The following YPEL2 variants were observed in gnomAD, a reference collection of about 807,000 sequenced individuals.
The protein encoded by YPEL2 is yippee like 2.
Under a neutral mutation model 19.1 loss-of-function variants are expected in YPEL2, and 2 were observed. The observed-to-expected ratio is 0.10, with a 90% CI of 0.04 to 0.33. YPEL2 has a LOEUF of 0.33. Among genes scored for constraint, YPEL2 ranks in the 10% least tolerant of loss-of-function variants. YPEL2 has a pLI of 1.00. For missense variants in YPEL2, 66 were observed against 140.7 expected, an observed-to-expected ratio of 0.47 and a Z score of 2.68; for synonymous variants, 52 against 50.0, an observed-to-expected ratio of 1.04 and a Z score of -0.17.
intron 2 of YPEL2, among the ~76,000 whole-genome samples, chr17:59,383,539 A>T (rs1567756557): frequency 8.5e-6 from 1 of 118,034 alleles, no homozygotes; most frequent in Non-Finnish European, 1.7e-5. Flanking sequence ...TGGAGCTTGC[A>T]CTCCAGCCTG....
chr17:59,369,625 C>T (rs975665941), intron 2 of YPEL2, among the ~76,000 whole-genome samples: 5 of 152,186 alleles, frequency 3.3e-5, no homozygotes, highest in South Asian at 2.1e-4. Flanking sequence ...TGTATTTTAA[C>T]GAGTATCCCT....
At position 59,399,428 on chromosome 17, in the gene YPEL2, A is replaced by C. The variant is rs371909958; in HGVS notation, c.*2238A>C. The C allele has an allele frequency of 6.6e-6, 1 of 152,188 alleles. No individual in the cohort carries two copies. The highest frequency in any genetic ancestry group is 6.6e-5 in the Admixed American group (1 of 15,264). 9.4% of individuals were successfully genotyped at this position (152,188 alleles called of 1,614,324 possible). On this transcript the variant is annotated 3_prime_UTR_variant, in exon 5 of 5. Transcript: ENST00000312655. ...CATAAACTAGACATGGGGTGCCCTC[A>C]AGTTTCCAAGGGGACCAATGTGCCA... is the stretch of plus-strand genomic sequence containing the variant.
chr17:59,346,736 A>G (rs1015908042), intron 1 of YPEL2, among the ~76,000 whole-genome samples: 21 of 152,114 alleles, frequency 1.4e-4, no homozygotes, highest in African/African-American at 1.2e-4. Context: ...GGTAATTTCA[A>G]TTTCAGTAGG....
intron 4 of YPEL2, among the ~76,000 whole-genome samples, chr17:59,396,227 T>C (rs1171160200): frequency 6.6e-6 from 1 of 152,234 alleles, no homozygotes; most frequent in African/African-American, 2.4e-5. Context: ...AATTTATATA[T>C]GTAAATGTAC....
chr17:59,388,424 A>G, intron 3 of YPEL2, 54 bp downstream of exon 3: 2 of 1,551,256 alleles, frequency 1.3e-6, no homozygotes, highest in Non-Finnish European at 1.8e-6. Flanking sequence ...GAGGGATGGG[A>G]AAAAGCAATC....
intron 1 of YPEL2, among the ~76,000 whole-genome samples, chr17:59,345,845 C>T (rs1029703987): frequency 4.6e-5 from 7 of 152,174 alleles, no homozygotes; most frequent in African/African-American, 1.7e-4. Context: ...TGCGTTATCT[C>T]ATTTCATCCT....
At position 59,397,092 on chromosome 17, in the gene YPEL2, A is replaced by G. The variant is rs2048043481; in HGVS notation, c.271-9A>G. ...TTCAGTATCTCTTCTCTGCTTCTGT[A>G]TTTCCTAGGAACATGCTTTTGAAAG... On this transcript the variant is annotated splice_polypyrimidine_tract_variant and intron_variant, in intron 4 of 4. Coordinates refer to ENST00000312655, the MANE Select transcript of YPEL2 (RefSeq NM_001005404.4). 7 of 1,600,360 alleles carry G rather than the reference A, an allele frequency of 4.4e-6. No homozygotes were observed. In the East Asian group the frequency reaches 1.1e-4, roughly 26 times the overall value.
chr17:59,339,525 C>G (rs2047716996), intron 1 of YPEL2, among the ~76,000 whole-genome samples: 1 of 152,140 alleles, frequency 6.6e-6, no homozygotes, highest in Non-Finnish European at 1.5e-5. Context: ...AAGCATTGAG[C>G]TGAGAGTCTG....
In YPEL2 at chr17:59,388,359, C is replaced by T; in HGVS notation, c.150C>T (p.Leu50=). 6.2e-7 allele frequency: 1 copy of T among 1,614,194 alleles called. No individual in the cohort carries two copies. The highest frequency in any genetic ancestry group is 8.5e-7 in the Non-Finnish European group (1 of 1,180,022). Residue 50 remains leucine (L), a synonymous_variant, in exon 3 of 5, where the codon CTC becomes CTT. Coordinates refer to ENST00000312655, the MANE Select transcript of YPEL2 (RefSeq NM_001005404.4). ...AAGGAAGTCAAGGACGAGCATACCT[C>T]TTTAACTCAGTGTGAGTGCCTCTGA... is the stretch of plus-strand genomic sequence containing the variant. The part of the protein sequence containing the change: ...SFQGSQGRAY[L]FNSVVNVGCG...
chr17:59,388,192 GACCGTTA>G, intron 2 of YPEL2, 128 bp from the exon 3 acceptor site: 1 of 833,582 alleles, frequency 1.2e-6, no homozygotes, highest in Non-Finnish European at 2.1e-6. Flanking sequence ...CTGCCAGCGG[GACCGTTA>G]ACTGGCTCAG....
intron 1 of YPEL2, among the ~76,000 whole-genome samples, chr17:59,348,402 C>G (rs1379226536): frequency 6.6e-6 from 1 of 152,230 alleles, no homozygotes. Flanking sequence ...TCTCCCGCCC[C>G]TCCATCCTGG....
chr17:59,352,184 A>G (rs1016333877), intron 1 of YPEL2, among the ~76,000 whole-genome samples: 1 of 152,196 alleles, frequency 6.6e-6, no homozygotes, highest in Non-Finnish European at 1.5e-5. Context: ...GCAGGTGTTA[A>G]TTAACACTGC....
At chr17:59,340,895 A>G (rs960781198) in intron 1 of YPEL2, among the ~76,000 whole-genome samples, 4 of 149,772 alleles carry the variant, frequency 2.7e-5, no homozygotes, top group African/African-American at 9.9e-5. Context: ...TTGTATTTTT[A>G]GTAGAGACGG....
At chr17:59,395,473 C>T (rs2048034062) in intron 4 of YPEL2, among the ~76,000 whole-genome samples, 1 of 152,148 alleles carries the variant, frequency 6.6e-6, no homozygotes, top group African/African-American at 2.4e-5. Flanking sequence ...AGAGAATACA[C>T]CAAGATGTTC....
intron 1 of YPEL2, among the ~76,000 whole-genome samples, chr17:59,336,240 C>T (rs1168863042): frequency 6.6e-6 from 1 of 152,176 alleles, no homozygotes; most frequent in Non-Finnish European, 1.5e-5. Context: ...CTTTCACTTG[C>T]ACTATTTCTG....
intron 1 of YPEL2, among the ~76,000 whole-genome samples, chr17:59,346,447 A>G (rs1465259291): frequency 6.6e-6 from 1 of 151,952 alleles, no homozygotes; most frequent in Non-Finnish European, 1.5e-5. Context: ...ACGGGATGAG[A>G]GTGGAGGTGG....
chr17:59,333,788 A>G (rs1480328848), intron 1 of YPEL2, among the ~76,000 whole-genome samples: 1 of 151,996 alleles, frequency 6.6e-6, no homozygotes, highest in African/African-American at 2.4e-5. Context: ...TTGTCAGGCT[A>G]CTCCGCAGAT....
chr17:59,363,291 G>C (rs2047850979), intron 2 of YPEL2: 1 of 153,826 alleles, frequency 6.5e-6, no homozygotes, highest in Non-Finnish European at 1.4e-5. Flanking sequence ...TGGTCCTAAA[G>C]ACTTACCCTT....
At chr17:59,358,124 G>A (rs1209707915) in intron 2 of YPEL2, among the ~76,000 whole-genome samples, 2 of 152,146 alleles carry the variant, frequency 1.3e-5, no homozygotes, top group Non-Finnish European at 2.9e-5. Flanking sequence ...AGATCACACA[G>A]CCTCAGAGCC....
Sources: gnomAD v4.1 joint callset for allele counts (sites outside exome capture counted in the v4.1 genomes callset) on GRCh38, gnomAD v4.1.1 for gene constraint, MANE v1.5 for transcripts, NCBI Gene and HGNC (gene_info 2026-07-23, HGNC 2026-07-21) for gene names.